The following GLS variants were observed in gnomAD, a reference collection of about 807,000 sequenced individuals.
GLS encodes the protein glutaminase.
GLS carries 36 observed loss-of-function variants against 86.7 expected under a neutral mutation model. The ratio of observed to expected loss-of-function variants is 0.42; its 90% CI spans 0.32 to 0.55. The LOEUF (loss-of-function observed/expected upper bound fraction) is 0.55, where lower values mean the gene tolerates loss of function less well. GLS is among the 20% of genes least tolerant of loss of function. The pLI is 0.17. For synonymous variants in GLS, 317 were observed against 305.9 expected (o/e 1.04, Z -0.38); for missense variants, 528 against 833.4 (o/e 0.63, Z 4.51).
chr2:190,925,535 CAGTT>C (rs971435297), intron 11 of GLS, among the ~76,000 whole-genome samples: 19 of 152,324 alleles, frequency 1.2e-4, no homozygotes, highest in Admixed American at 3.9e-4. Context: ...AGATTTAACA[CAGTT>C]GGTGCCACTG....
chr2:190,932,111 G>A (rs1234880913), intron 14 of GLS, among the ~76,000 whole-genome samples: 1 of 151,968 alleles, frequency 6.6e-6, no homozygotes, highest in Non-Finnish European at 1.5e-5. Flanking sequence ...GTGAGAGACC[G>A]TATGAAGCCT....
chr2:190,883,279 A>G (rs577796845), intron 1 of GLS, among the ~76,000 whole-genome samples: 1 of 152,346 alleles, frequency 6.6e-6, no homozygotes, highest in African/African-American at 2.4e-5. Flanking sequence ...TTCCAAATGT[A>G]GCTTTCCCTC....
intron 12 of GLS, among the ~76,000 whole-genome samples, chr2:190,929,841 T>C (rs1690041572): frequency 6.6e-6 from 1 of 151,626 alleles, no homozygotes. Context: ...TTCTATGGTA[T>C]GTATATATAT....
chr2:190,881,634 C>G (rs904313949), intron 1 of GLS, 164 bp downstream of exon 1: 11 of 626,618 alleles, frequency 1.8e-5, no homozygotes, highest in Non-Finnish European at 2.8e-5. Context: ...TTAGGCCCGG[C>G]CCCGCCCGCG....
chr2:190,912,138 A>T (rs1689381355), intron 7 of GLS, among the ~76,000 whole-genome samples: 1 of 152,132 alleles, frequency 6.6e-6, no homozygotes. Flanking sequence ...AAACAAAGTT[A>T]AAAGATACAT....
chr2:190,914,403 C>T lies in GLS; in HGVS notation c.1038+4082C>T, dbSNP rs1180858417. On this transcript the variant is annotated intron_variant, in intron 7 of 17. Coordinates refer to ENST00000320717, the MANE Select transcript of GLS (RefSeq NM_014905.5). This position sits in a 1 kb window ranked among gnomAD's most constrained non-coding sequence, Gnocchi z 4.4. ...AGACAGGATTATATTGGTTTATTTA[C>T]TTCTTGTTTATATCAGTTTATGCTT... 6.7e-6 allele frequency among the ~76,000 whole-genome samples: 1 copy of T among 150,020 alleles called. No individual in the cohort carries two copies. The highest frequency in any genetic ancestry group is 2.5e-5 in the African/African-American group (1 of 40,768).
At chr2:190,945,288 A>G (rs1351715170) in intron 14 of GLS, among the ~76,000 whole-genome samples, 1 of 152,114 alleles carries the variant, frequency 6.6e-6, no homozygotes, top group African/African-American at 2.4e-5. Context: ...TTTTGTCTTC[A>G]TAGGTTGTCA....
chr2:190,955,462 C>A lies in GLS; in HGVS notation c.1853+644C>A, dbSNP rs1338288964. Among the ~76,000 whole-genome samples, 4 of 152,286 alleles carry A rather than the reference C, an allele frequency of 2.6e-5. 1 individual carries two copies. In the South Asian group the frequency reaches 8.3e-4, roughly 32 times the overall value. On this transcript the variant is annotated intron_variant, in intron 17 of 17. Transcript: ENST00000320717. The surrounding 1 kb of genome is among the most constrained non-coding windows in gnomAD (Gnocchi z 5.6). ...GTCCCTGCAAAGGACATGAACTCAT[C>A]CTTTTTTATGATTGCATAGTATTCC... is the stretch of plus-strand genomic sequence containing the variant.
rs1019040240 is a variant in GLS at position 190,935,660 on chromosome 2, G to A, written c.1650+4023G>A. Among the ~76,000 whole-genome samples, 51 of 151,136 alleles carry A rather than the reference G, an allele frequency of 3.4e-4. No individual in the cohort carries two copies. The highest frequency in any genetic ancestry group is 2.3e-3 in the Admixed American group (35 of 15,178). ...CTGCTTTCTGAGGAGGAATATTGTT[G>A]TTATTCACTATGTAACTCTCATTTT... On this transcript the variant is annotated intron_variant, in intron 14 of 17. Coordinates refer to ENST00000320717, the MANE Select transcript of GLS (RefSeq NM_014905.5). This position sits in a 1 kb window ranked among gnomAD's most constrained non-coding sequence, Gnocchi z 4.2.
In GLS at chr2:190,916,075, G is replaced by C. The variant is rs141496277; in HGVS notation, c.1039-4949G>C. Reference sequence around the variant, plus strand: ...CACACCTCTGTAAAAATTAAAAATCGGAAGAGAATTAGTCCTGAGTTCATT... The same window carrying C: ...CACACCTCTGTAAAAATTAAAAATCCGAAGAGAATTAGTCCTGAGTTCATT... On this transcript the variant is annotated intron_variant, in intron 7 of 17. Transcript: ENST00000320717. Among the ~76,000 whole-genome samples, 4 of 152,104 alleles carry C rather than the reference G, an allele frequency of 2.6e-5. No homozygotes were observed. In the East Asian group the frequency reaches 7.7e-4, roughly 29 times the overall value.
chr2:190,902,228 T>G (rs1001677215), intron 5 of GLS, among the ~76,000 whole-genome samples: 1 of 152,208 alleles, frequency 6.6e-6, no homozygotes, highest in South Asian at 2.1e-4. Context: ...GAGACATCTA[T>G]TTTATTCACA....
chr2:190,959,799 G>T (rs1348161983), intron 17 of GLS, among the ~76,000 whole-genome samples: 1 of 152,046 alleles, frequency 6.6e-6, no homozygotes, highest in Non-Finnish European at 1.5e-5. Flanking sequence ...ATACAAAATG[G>T]GAAGGCTTCT....
chr2:190,892,128 C>T lies in GLS; in HGVS notation c.387-3024C>T, dbSNP rs1484998146. 3.9e-5 allele frequency among the ~76,000 whole-genome samples: 6 copies of T among 152,134 alleles called. No homozygotes were observed. In the East Asian group the frequency reaches 1.2e-3, roughly 29 times the overall value. ...CTGTAAATGATGTCTAACATGATGTCATACATGGCATGGGATTTTTCTTCT... is the reference window on the plus strand; with the variant it reads ...CTGTAAATGATGTCTAACATGATGTTATACATGGCATGGGATTTTTCTTCT... On this transcript the variant is annotated intron_variant, in intron 1 of 17. Coordinates refer to ENST00000320717, the MANE Select transcript of GLS (RefSeq NM_014905.5).
At position 190,953,561 on chromosome 2, in the gene GLS, A is replaced by T. The variant is rs780143794; in HGVS notation, c.1651-4A>T. Reference sequence around the variant, plus strand: ...AGGATGCCTAAACTTTCTTTTCTTCACAGGTAAAGTCAGTGATAAATCTTT... The same window carrying T: ...AGGATGCCTAAACTTTCTTTTCTTCTCAGGTAAAGTCAGTGATAAATCTTT... On this transcript the variant is annotated splice_region_variant and splice_polypyrimidine_tract_variant and intron_variant, in intron 14 of 17. Coordinates refer to ENST00000320717, the MANE Select transcript of GLS (RefSeq NM_014905.5). The surrounding 1 kb of genome is among the most constrained non-coding windows in gnomAD (Gnocchi z 4.0). 1 of 1,603,114 alleles carries T rather than the reference A, an allele frequency of 6.2e-7. No homozygotes were observed. The highest frequency in any genetic ancestry group is 8.5e-7 in the Non-Finnish European group (1 of 1,170,162).
chr2:190,894,720 A>T (rs942758176), intron 1 of GLS, among the ~76,000 whole-genome samples: 1 of 152,216 alleles, frequency 6.6e-6, no homozygotes, highest in Non-Finnish European at 1.5e-5. Context: ...TTTTATAATC[A>T]GGTTAACTAT....
intron 14 of GLS, chr2:190,933,782 T>G (rs1221634092): frequency 4.4e-6 from 3 of 686,840 alleles, no homozygotes; most frequent in Non-Finnish European, 5.4e-6. Flanking sequence ...TTATAAATGC[T>G]AATATTTCTT....
intron 3 of GLS, among the ~76,000 whole-genome samples, chr2:190,898,246 G>A (rs1415934699): frequency 6.6e-6 from 1 of 152,158 alleles, no homozygotes; most frequent in African/African-American, 2.4e-5. Flanking sequence ...TGTGAGAAAT[G>A]TTTTGTCAAT....
In GLS at chr2:190,953,459, C is replaced by A; in HGVS notation, c.1651-106C>A. ...CCTTGAGATCACTTTTTGCACGTGA[C>A]TCAGCTGAAGTGTTCAAAGCACATG... On this transcript the variant is annotated intron_variant, in intron 14 of 17. Transcript: ENST00000320717. The surrounding 1 kb of genome is among the most constrained non-coding windows in gnomAD (Gnocchi z 4.0). The A allele has an allele frequency of 1.3e-6, 1 of 751,380 alleles. No homozygotes were observed. 46.5% of individuals were successfully genotyped at this position (751,380 alleles called of 1,614,324 possible). A position where few individuals can be genotyped will look rare whatever the true frequency, so the allele number is the denominator to read the frequency against.
intron 13 of GLS, 85 bp from the exon 14 acceptor site, chr2:190,931,460 A>T: frequency 1.7e-6 from 1 of 587,214 alleles, no homozygotes; most frequent in East Asian, 2.9e-5. Flanking sequence ...AGGCTGGACG[A>T]TATAAGCAGA....
Sources: allele counts gnomAD v4.1 joint callset (sites outside exome capture counted in the v4.1 genomes callset), GRCh38; gene constraint gnomAD v4.1.1; non-coding constraint Gnocchi (gnomAD v3.1); transcripts MANE v1.5; gene names NCBI Gene and HGNC (gene_info 2026-07-23, HGNC 2026-07-21).